The following MTUS1 variants were observed in gnomAD, a reference collection of about 807,000 sequenced individuals.
The protein encoded by MTUS1 is microtubule associated scaffold protein 1, also known as microtubule-associated tumor suppressor 1.
A neutral mutation model predicts 120.8 loss-of-function variants in MTUS1; 109 were observed. That is an observed-to-expected ratio of 0.90 (90% confidence interval 0.77 to 1.06). The LOEUF (loss-of-function observed/expected upper bound fraction) is 1.06. MTUS1 is among the 50% of genes least tolerant of loss of function. The pLI is 0.00. For synonymous variants in MTUS1, 737 were observed against 550.5 expected (o/e 1.34, Z -4.74); for missense variants, 2,210 against 1,486.3 (o/e 1.49, Z -8.01).
chr8:17,798,622 G>A (rs958416158), intron 1 of MTUS1, among the ~76,000 whole-genome samples: 9 of 152,274 alleles, frequency 5.9e-5, no homozygotes, highest in Non-Finnish European at 8.8e-5. Flanking sequence ...GTGAGCCACC[G>A]CACCCGGCTG....
chr8:17,789,168 G>A (rs1156608119), intron 1 of MTUS1, among the ~76,000 whole-genome samples: 3 of 152,086 alleles, frequency 2.0e-5, no homozygotes, highest in Middle Eastern at 3.4e-3. Context: ...CAGTAGCTAG[G>A]ATTACAGGAA....
At chr8:17,731,467 T>A (rs1360898944) in intron 3 of MTUS1, among the ~76,000 whole-genome samples, 10 of 152,140 alleles carry the variant, frequency 6.6e-5, no homozygotes, top group African/African-American at 2.4e-4. Context: ...AAATATTAGC[T>A]GTCAGCGCTC....
At chr8:17,674,532 G>C in intron 8 of MTUS1, 1 of 985,866 alleles carries the variant, frequency 1.0e-6, no homozygotes, top group Non-Finnish European at 1.2e-6. Context: ...TAAAATAACA[G>C]CGTAGCCTGG....
intron 8 of MTUS1, among the ~76,000 whole-genome samples, chr8:17,667,260 G>C (rs964974238): frequency 6.6e-6 from 1 of 152,194 alleles, no homozygotes; most frequent in Non-Finnish European, 1.5e-5. Context: ...AAACAAGTCA[G>C]GGAGATAAAC....
chr8:17,699,184 G>A (rs1229397511), intron 6 of MTUS1, among the ~76,000 whole-genome samples: 3 of 152,106 alleles, frequency 2.0e-5, no homozygotes, highest in Non-Finnish European at 4.4e-5. Flanking sequence ...TGTTTCTTCA[G>A]TAACAGCAAA....
chr8:17,769,337 T>C (rs554741381), intron 1 of MTUS1, among the ~76,000 whole-genome samples: 4 of 140,300 alleles, frequency 2.9e-5, no homozygotes, highest in African/African-American at 1.1e-4. Context: ...TCTGAAGGCT[T>C]AGTCAGTAAT....
At chr8:17,681,146 C>G (rs932932328) in intron 7 of MTUS1, among the ~76,000 whole-genome samples, 1 of 152,132 alleles carries the variant, frequency 6.6e-6, no homozygotes, top group Admixed American at 6.6e-5. Context: ...ATTGGTCAGG[C>G]TGGTCTCGAA....
intron 12 of MTUS1, among the ~76,000 whole-genome samples, chr8:17,651,249 TAGAC>T (rs1412717277): frequency 5.3e-5 from 8 of 152,218 alleles, no homozygotes; most frequent in South Asian, 2.1e-4. Context: ...AACATACAGT[TAGAC>T]AGAAGGAATA....
chr8:17,779,194 C>A (rs533101977), intron 1 of MTUS1, among the ~76,000 whole-genome samples: 124 of 152,286 alleles, frequency 8.1e-4, no homozygotes, highest in Middle Eastern at 6.8e-3. Context: ...TAGTTAACAG[C>A]AACTCAACTG....
intron 1 of MTUS1, among the ~76,000 whole-genome samples, chr8:17,763,431 T>G (rs1021579258): frequency 2.0e-5 from 3 of 152,202 alleles, no homozygotes; most frequent in African/African-American, 7.2e-5. Flanking sequence ...CCATACCACT[T>G]CGGCTTATTC....
At chr8:17,757,374 T>A (rs1013144875) in intron 1 of MTUS1, among the ~76,000 whole-genome samples, 2 of 152,166 alleles carry the variant, frequency 1.3e-5, no homozygotes, top group Admixed American at 1.3e-4. Context: ...GGCTGCTAAT[T>A]GGGATGACGT....
chr8:17,759,273 C>CT (rs1174422334), intron 1 of MTUS1, among the ~76,000 whole-genome samples: 2 of 142,606 alleles, frequency 1.4e-5, no homozygotes, highest in Non-Finnish European at 3.1e-5. Flanking sequence ...TTTTATTTTT[C>CT]TTTTTTTTGA....
chr8:17,710,419 A>G (rs1231746787), intron 6 of MTUS1, among the ~76,000 whole-genome samples: 1 of 152,158 alleles, frequency 6.6e-6, no homozygotes, highest in African/African-American at 2.4e-5. Flanking sequence ...TCAAGAAGAT[A>G]CTTTATTTGC....
At chr8:17,720,483 C>A (rs1189862969) in intron 4 of MTUS1, among the ~76,000 whole-genome samples, 2 of 152,198 alleles carry the variant, frequency 1.3e-5, no homozygotes, top group Non-Finnish European at 1.5e-5. Flanking sequence ...TTTATTCAGT[C>A]TCCTTCTGTT....
intron 8 of MTUS1, among the ~76,000 whole-genome samples, chr8:17,663,605 GTTTT>G (rs111999225): frequency 2.5e-3 from 247 of 98,644 alleles, no homozygotes; most frequent in African/African-American, 5.6e-3. Flanking sequence ...GTTTTGTTTT[GTTTT>G]TTTTGAGACA....
intron 6 of MTUS1, among the ~76,000 whole-genome samples, chr8:17,689,423 G>C (rs958066095): frequency 6.6e-6 from 1 of 152,166 alleles, no homozygotes; most frequent in African/African-American, 2.4e-5. Flanking sequence ...TTCGAGAATA[G>C]AAAGCATATT....
At position 17,645,391 on chromosome 8, in the gene MTUS1, C is replaced by CTGAT. The variant is rs3832598; in HGVS notation, c.*531_*534dup. On this transcript the variant is annotated 3_prime_UTR_variant, in exon 15 of 15. Coordinates refer to ENST00000693296, the MANE Select transcript of MTUS1 (RefSeq NM_001363059.2). ...TATGGCTTTGGCTGAAATGTATATG[C>CTGAT]TGATTGATTGATTATTATTTGATTA... The CTGAT allele has an allele frequency of 4.3e-3, 652 of 152,912 alleles. 3 individuals are homozygous for CTGAT. The highest frequency in any genetic ancestry group is 7.7e-3 in the South Asian group (37 of 4,818). The allele number at this position is 152,912 out of a possible 1,614,324, so 9.5% of individuals were successfully genotyped here.
At position 17,750,755 on chromosome 8, in the gene MTUS1, C is replaced by T. The variant is rs542899568; in HGVS notation, c.2091+2962G>A. 9.2e-5 allele frequency among the ~76,000 whole-genome samples: 14 copies of T among 152,326 alleles called. 1 individual carries two copies. The South Asian group carries it at 2.9e-3, about 32-fold the overall frequency. On this transcript the variant is annotated intron_variant, in intron 2 of 14. Transcript: ENST00000693296. ...CCTGAGCAAAGTGCCTGACCCAGAG[C>T]AAGCACTGAATAAATATCAATTCCT...
At chr8:17,796,494 C>T (rs1187068886) in intron 1 of MTUS1, among the ~76,000 whole-genome samples, 1 of 152,176 alleles carries the variant, frequency 6.6e-6, no homozygotes, top group Non-Finnish European at 1.5e-5. Flanking sequence ...AGAAAACCCA[C>T]CCTTTCTTCC....
Sources: allele counts gnomAD v4.1 joint callset (sites outside exome capture counted in the v4.1 genomes callset), GRCh38; gene constraint gnomAD v4.1.1; transcripts MANE v1.5; gene names NCBI Gene and HGNC (gene_info 2026-07-23, HGNC 2026-07-21).